Variants in WDR35 observed in about 807,000 individuals in gnomAD.
WDR35 encodes WD repeat-containing protein 35.
Under a neutral mutation model 158.3 loss-of-function variants are expected in WDR35, and 118 were observed. That is an observed-to-expected ratio of 0.75 (90% CI 0.64 to 0.87). WDR35 has a LOEUF of 0.87. Ranked by LOEUF, WDR35 falls within the 40% of genes least tolerant of loss-of-function variation. The probability of loss-of-function intolerance (pLI) is 0.00; values close to 1 mark genes in which losing one functional copy is unlikely to be tolerated. For missense variants in WDR35, 1,263 were observed against 1,405.8 expected, an observed-to-expected ratio of 0.90 and a Z score of 1.62; for synonymous variants, 448 against 476.1, an observed-to-expected ratio of 0.94 and a Z score of 0.77.
At chr2:19,923,345 C>G (rs748074139) in intron 25 of WDR35, among the ~76,000 whole-genome samples, 5 of 152,166 alleles carry the variant, frequency 3.3e-5, no homozygotes, top group Non-Finnish European at 5.9e-5. Flanking sequence ...TGGAGGACAC[C>G]TGAGTACTCT....
At chr2:19,983,815 A>T (rs1308234194) in intron 2 of WDR35, among the ~76,000 whole-genome samples, 1 of 152,182 alleles carries the variant, frequency 6.6e-6, no homozygotes. Context: ...ATCATCTGTC[A>T]ATTAAGATAG....
At chr2:19,947,110 G>C (rs958208946) in intron 14 of WDR35, among the ~76,000 whole-genome samples, 1 of 152,162 alleles carries the variant, frequency 6.6e-6, no homozygotes, top group Non-Finnish European at 1.5e-5. Context: ...AAAAAATAAA[G>C]CAGCATATAA....
intron 17 of WDR35, among the ~76,000 whole-genome samples, chr2:19,939,156 A>C (rs903906702): frequency 6.6e-6 from 1 of 152,210 alleles, no homozygotes; most frequent in African/African-American, 2.4e-5. Context: ...CAGCCAACTA[A>C]AAGATTAATC....
chr2:19,980,430 C>A (rs1672349046), intron 4 of WDR35, among the ~76,000 whole-genome samples: 1 of 152,000 alleles, frequency 6.6e-6, no homozygotes, highest in African/African-American at 2.4e-5. Context: ...CAAGTAGAAG[C>A]TATTCTTCTG....
chr2:19,914,237 C>T lies in WDR35; in HGVS notation c.3162G>A (p.Val1054=), dbSNP rs2103378366. The change falls in exon 26 of 27, where the codon GTG becomes GTA. Residue 1054 remains valine (V), a synonymous_variant. Transcript: ENST00000281405. ...LKDYEDIIPP[V]EIYSLLALCA... is the part of the protein sequence containing the mutation. The stretch of plus-strand genomic sequence containing the variant: ...AGAGTGCTAGCAGAGAGTAGATCTC[C>T]ACAGGAGGGATGATGTCTTCATAGT... The T allele has an allele frequency of 1.2e-5, 20 of 1,613,584 alleles. No homozygotes were observed. Among genetic ancestry groups the T allele is most frequent in the Non-Finnish European group, 1.5e-5 (18 of 1,179,824 alleles).
At chr2:19,924,428 G>T (rs951880061) in intron 25 of WDR35, among the ~76,000 whole-genome samples, 1 of 152,126 alleles carries the variant, frequency 6.6e-6, no homozygotes, top group Non-Finnish European at 1.5e-5. Context: ...GCCGGGTGTG[G>T]TGGCGGGCGC....
At position 19,941,976 on chromosome 2, in the gene WDR35, C is replaced by T. The variant is rs1670893176; in HGVS notation, c.1846-137G>A. ...GTCATTAACACCCATATACCCATAA[C>T]CTAAATAATTAGCATTATGGTAAAT... is the stretch of plus-strand genomic sequence containing the variant. On this transcript the variant is annotated intron_variant, in intron 16 of 26. Coordinates refer to ENST00000281405, the MANE Select transcript of WDR35 (RefSeq NM_020779.4). 2.9e-5 allele frequency: 18 copies of T among 615,552 alleles called. No individual in the cohort carries two copies. The South Asian group carries it at 3.4e-4, about 12-fold the overall frequency. The allele number at this position is 615,552 out of a possible 1,614,324, so 38.1% of individuals were successfully genotyped here. A position where few individuals can be genotyped will look rare whatever the true frequency, so the allele number is the denominator to read the frequency against.
chr2:19,912,560 T>G lies in WDR35; in HGVS notation c.*998A>C, dbSNP rs530093062. 1 of 152,238 alleles carries G rather than the reference T, an allele frequency of 6.6e-6. No homozygotes were observed. Among genetic ancestry groups the G allele is most frequent in the Non-Finnish European group, 1.5e-5 (1 of 68,042 alleles). The allele number at this position is 152,238 out of a possible 1,614,324, so 9.4% of individuals were successfully genotyped here. A position where few individuals can be genotyped will look rare whatever the true frequency, so the allele number is the denominator to read the frequency against. On this transcript the variant is annotated 3_prime_UTR_variant, in exon 27 of 27. Coordinates refer to ENST00000281405, the MANE Select transcript of WDR35 (RefSeq NM_020779.4). ...CTGCAAAAACAAAGTTGCGTATCTC[T>G]ATGTATTGCCTCTACTATATGTAAG...
Position 19,975,678 on chromosome 2 carries a change from TA to T in WDR35, c.437-16del. The T allele has an allele frequency of 6.2e-7, 1 of 1,613,860 alleles. No individual in the cohort carries two copies. The highest frequency in any genetic ancestry group is 8.5e-7 in the Non-Finnish European group (1 of 1,179,890). On this transcript the variant is annotated splice_polypyrimidine_tract_variant and intron_variant, in intron 5 of 26. Transcript: ENST00000281405. Reference sequence around the variant, plus strand: ...AATACGATTGCCTAAAACAAAACATTATTAAAAGTTGTTCAAGGTCATGATC... The same window carrying T: ...AATACGATTGCCTAAAACAAAACATTTTAAAAGTTGTTCAAGGTCATGATC...
At chr2:19,948,567 A>G (rs1042382070) in intron 13 of WDR35, among the ~76,000 whole-genome samples, 4 of 152,146 alleles carry the variant, frequency 2.6e-5, no homozygotes, top group African/African-American at 9.7e-5. Context: ...CTCAGGCCTA[A>G]AAGAGAAACA....
chr2:19,989,018 T>C (rs747643919), intron 2 of WDR35, 147 bp downstream of exon 2: 34 of 777,820 alleles, frequency 4.4e-5, no homozygotes, highest in Non-Finnish European at 7.2e-5. Context: ...ATTGCAAATA[T>C]ACTCCAGAAA....
chr2:19,981,510 T>C (rs565916139), intron 3 of WDR35, among the ~76,000 whole-genome samples: 1 of 152,238 alleles, frequency 6.6e-6, no homozygotes, highest in East Asian at 1.9e-4. Flanking sequence ...GTTATACATC[T>C]TCAGTCTTTA....
chr2:19,949,251 G>A (rs928866989), intron 13 of WDR35, among the ~76,000 whole-genome samples: 15 of 152,202 alleles, frequency 9.9e-5, no homozygotes, highest in Non-Finnish European at 2.1e-4. Context: ...GCCACAGCTG[G>A]TATCTGAGGA....
intron 21 of WDR35, among the ~76,000 whole-genome samples, chr2:19,933,793 A>G (rs145491066): frequency 1.1e-4 from 16 of 152,334 alleles, no homozygotes; most frequent in African/African-American, 3.6e-4. Flanking sequence ...GCTAGTATAC[A>G]GAAATGTCAA....
At position 19,969,562 on chromosome 2, in the gene WDR35, A is replaced by C. The variant is rs2103448525; in HGVS notation, c.926T>G (p.Leu309Arg). Residue 309 changes from leucine (L) to arginine (R), a missense_variant, in exon 9 of 27, where the codon CTA becomes CGA. Leu to Arg is a moderately radical substitution (Grantham distance 102). Coordinates refer to ENST00000281405, the MANE Select transcript of WDR35 (RefSeq NM_020779.4). ...LKVPGKEISA[L>R]SWEGGGLKIA... ...TTTCAGTCCACCTCCTTCCCAAGATAGTGCAGATATTTCCTTTCCAGGAAC... is the reference window on the plus strand; with the variant it reads ...TTTCAGTCCACCTCCTTCCCAAGATCGTGCAGATATTTCCTTTCCAGGAAC... The C allele has an allele frequency of 6.2e-7, 1 of 1,613,980 alleles. No individual in the cohort carries two copies. Among genetic ancestry groups the C allele is most frequent in the South Asian group, 1.1e-5 (1 of 91,072 alleles).
intron 25 of WDR35, among the ~76,000 whole-genome samples, chr2:19,926,109 T>G (rs1670347477): frequency 6.6e-6 from 1 of 152,240 alleles, no homozygotes; most frequent in Admixed American, 6.5e-5. Context: ...AAATGGAGAA[T>G]TTTAACTGAC....
intron 14 of WDR35, among the ~76,000 whole-genome samples, chr2:19,947,304 G>A (rs949320704): frequency 6.6e-6 from 1 of 152,120 alleles, no homozygotes; most frequent in Non-Finnish European, 1.5e-5. Flanking sequence ...TGCTTTTGCA[G>A]CATGAGTCTC....
Position 19,966,779 on chromosome 2 carries a change from GTAA to G in WDR35, c.1136_1138del (p.Ile379del), listed in dbSNP as rs1292980786. 6.2e-7 allele frequency: 1 copy of G among 1,613,896 alleles called. No individual in the cohort carries two copies. Among genetic ancestry groups the G allele is most frequent in the Non-Finnish European group, 8.5e-7 (1 of 1,179,948 alleles). The stretch of plus-strand genomic sequence containing the variant: ...CAAAATGCAGAAATCTCCACAGGTA[GTAA>G]TAGAAATGAGACCCTTCACATATTT... On this transcript the variant is annotated inframe_deletion, in exon 10 of 27. Coordinates refer to ENST00000281405, the MANE Select transcript of WDR35 (RefSeq NM_020779.4).
chr2:19,974,444 T>G (rs957483103), intron 7 of WDR35, 24 bp downstream of exon 7: 2 of 1,557,890 alleles, frequency 1.3e-6, no homozygotes, highest in African/African-American at 2.8e-5. Flanking sequence ...TTAAAAAAAT[T>G]TTTTAAACAG....
Sources: gnomAD v4.1 joint callset for allele counts (sites outside exome capture counted in the v4.1 genomes callset) on GRCh38, gnomAD v4.1.1 for gene constraint, MANE v1.5 for transcripts, NCBI Gene and HGNC (gene_info 2026-07-23, HGNC 2026-07-21) for gene names.